RAP1GAP2: variants seen among roughly 807,000 people sequenced by gnomAD.
RAP1GAP2 encodes RAP1 GTPase activating protein 2, also known as rap1 GTPase-activating protein 2.
RAP1GAP2 carries 27 observed loss-of-function variants against 95.0 expected under a neutral mutation model. That is an observed-to-expected ratio of 0.28 (90% CI 0.21 to 0.39). The LOEUF (loss-of-function observed/expected upper bound fraction) is 0.39, where lower values mean the gene tolerates loss of function less well. RAP1GAP2 is among the 10% of genes least tolerant of loss of function. The probability of loss-of-function intolerance (pLI) is 1.00; values close to 1 mark genes in which losing one functional copy is unlikely to be tolerated. For missense variants in RAP1GAP2, 771 were observed against 970.0 expected, an observed-to-expected ratio of 0.79 and a Z score of 2.72; for synonymous variants, 373 against 380.9, an observed-to-expected ratio of 0.98 and a Z score of 0.24.
At chr17:2,778,202 T>C (rs1234306856) in intron 1 of RAP1GAP2, among the ~76,000 whole-genome samples, 2 of 151,688 alleles carry the variant, frequency 1.3e-5, no homozygotes, top group Non-Finnish European at 2.9e-5. Context: ...TGGGCATCTG[T>C]TGGATTTGGC....
intron 2 of RAP1GAP2, among the ~76,000 whole-genome samples, chr17:2,849,796 C>T (rs958339564): frequency 2.0e-5 from 3 of 152,122 alleles, no homozygotes; most frequent in East Asian, 1.9e-4. Flanking sequence ...CCTTCTCTGC[C>T]GTCAGAGACT....
rs2042145007 is a variant in RAP1GAP2 at position 2,904,786 on chromosome 17, C to T, written c.81-498C>T. ...GCATGTCTTTCGAGTTCCCAGGTGC[C>T]GCTGGTGGTCCAGGGACCATACTTA... On this transcript the variant is annotated intron_variant, in intron 2 of 24. Coordinates refer to ENST00000254695, the MANE Select transcript of RAP1GAP2 (RefSeq NM_015085.5). The surrounding 1 kb of genome is among the most constrained non-coding windows in gnomAD (Gnocchi z 4.7). Among the ~76,000 whole-genome samples, 3 of 152,072 alleles carry T rather than the reference C, an allele frequency of 2.0e-5. No homozygotes were observed. The highest frequency in any genetic ancestry group is 2.4e-5 in the African/African-American group (1 of 41,390).
At chr17:2,981,596 G>A (rs1421908939) in intron 10 of RAP1GAP2, among the ~76,000 whole-genome samples, 1 of 152,150 alleles carries the variant, frequency 6.6e-6, no homozygotes, top group Non-Finnish European at 1.5e-5. Flanking sequence ...TGCAGATCCA[G>A]TCTGCTGTCA....
intron 16 of RAP1GAP2, among the ~76,000 whole-genome samples, chr17:3,007,262 C>G (rs2046370520): frequency 6.6e-6 from 1 of 152,050 alleles, no homozygotes; most frequent in Non-Finnish European, 1.5e-5. Flanking sequence ...AGCGCTTAGG[C>G]AGGAGAGTGA....
chr17:2,889,889 A>ATATATATATATTT (rs1408426152), intron 2 of RAP1GAP2, among the ~76,000 whole-genome samples: 111 of 57,274 alleles, frequency 1.9e-3, no homozygotes, highest in African/African-American at 3.7e-3. Context: ...ATATATATAT[A>ATATATATATATTT]TTTTTTTTTT....
chr17:2,882,284 G>A (rs1244930746), intron 2 of RAP1GAP2, among the ~76,000 whole-genome samples: 2 of 147,836 alleles, frequency 1.4e-5, no homozygotes, highest in Admixed American at 6.7e-5. Context: ...GCACCACCAC[G>A]CCCAGCTAAT....
chr17:2,897,202 G>A (rs2041862178), intron 2 of RAP1GAP2, among the ~76,000 whole-genome samples: 2 of 151,988 alleles, frequency 1.3e-5, no homozygotes, highest in African/African-American at 4.8e-5. Flanking sequence ...TTTGGGCGTG[G>A]TGGCGCGTGC....
At chr17:2,771,806 C>T (rs2068404656) in intron 2 of RAP1GAP2, among the ~76,000 whole-genome samples, 1 of 152,000 alleles carries the variant, frequency 6.6e-6, no homozygotes, top group South Asian at 2.1e-4. Flanking sequence ...CTTCAGATTT[C>T]ATACATGGGA....
intron 17 of RAP1GAP2, among the ~76,000 whole-genome samples, chr17:3,012,067 G>T (rs2046566163): frequency 6.6e-6 from 1 of 152,172 alleles, no homozygotes; most frequent in South Asian, 2.1e-4. Context: ...CTGAGCAGCA[G>T]GCCTGCCATT....
At chr17:2,985,911 T>C (rs1375642825) in intron 11 of RAP1GAP2, among the ~76,000 whole-genome samples, 1 of 152,198 alleles carries the variant, frequency 6.6e-6, no homozygotes, top group Non-Finnish European at 1.5e-5. Flanking sequence ...TGAACATTTA[T>C]TAACATCCCA....
At chr17:2,972,335 A>G (rs2044900030) in intron 8 of RAP1GAP2, among the ~76,000 whole-genome samples, 1 of 152,202 alleles carries the variant, frequency 6.6e-6, no homozygotes, top group Non-Finnish European at 1.5e-5. Context: ...ATAATGCTTA[A>G]AAGAGCTTTA....
At position 2,871,939 on chromosome 17, in the gene RAP1GAP2, T is replaced by C. The variant is rs929784981; in HGVS notation, c.81-33345T>C. On this transcript the variant is annotated intron_variant, in intron 2 of 24. Transcript: ENST00000254695. This position sits in a 1 kb window ranked among gnomAD's most constrained non-coding sequence, Gnocchi z 5.0. ...GGACTAACTACTTAAAATAGAATGA[T>C]GAGGCCAGGCGTGGTGGCTCACGCC... Among the ~76,000 whole-genome samples, 2 of 152,090 alleles carry C rather than the reference T, an allele frequency of 1.3e-5. No individual in the cohort carries two copies. Among genetic ancestry groups the C allele is most frequent in the African/African-American group, 4.8e-5 (2 of 41,440 alleles).
At chr17:2,816,360 C>T (rs919349751) in intron 2 of RAP1GAP2, among the ~76,000 whole-genome samples, 12 of 151,670 alleles carry the variant, frequency 7.9e-5, no homozygotes, top group East Asian at 1.9e-4. Flanking sequence ...ATTTTTGAGA[C>T]GGAGTCTCAC....
intron 3 of RAP1GAP2, among the ~76,000 whole-genome samples, chr17:2,956,728 C>T (rs1033421998): frequency 6.6e-6 from 1 of 152,204 alleles, no homozygotes; most frequent in Non-Finnish European, 1.5e-5. Context: ...GCCAGCCCCT[C>T]ACGCTTCCAT....
chr17:2,854,662 A>G (rs1032974094), intron 2 of RAP1GAP2, among the ~76,000 whole-genome samples: 2 of 152,112 alleles, frequency 1.3e-5, no homozygotes, highest in Non-Finnish European at 2.9e-5. Flanking sequence ...CTGGATATTG[A>G]AAATAGTTTT....
chr17:2,806,376 TTTA>T (rs4060867), intron 2 of RAP1GAP2, among the ~76,000 whole-genome samples: 2,608 of 139,924 alleles, frequency 0.019, 81 homozygotes, highest in African/African-American at 0.063. Flanking sequence ...CTACAACCTT[TTTA>T]TTATTATTAT....
intron 3 of RAP1GAP2, among the ~76,000 whole-genome samples, chr17:2,937,624 CAGT>C (rs2043344585): frequency 6.6e-6 from 1 of 152,244 alleles, no homozygotes; most frequent in East Asian, 1.9e-4. Context: ...GAGAAGGGCT[CAGT>C]AGGGGACAGC....
intron 2 of RAP1GAP2, among the ~76,000 whole-genome samples, chr17:2,876,530 C>T (rs1404145370): frequency 6.6e-6 from 1 of 152,140 alleles, no homozygotes; most frequent in Admixed American, 6.6e-5. Flanking sequence ...GTGAGTTTAT[C>T]TAAAGACCTG....
chr17:2,860,217 C>G (rs959942158), intron 2 of RAP1GAP2, among the ~76,000 whole-genome samples: 8 of 152,164 alleles, frequency 5.3e-5, no homozygotes, highest in African/African-American at 1.9e-4. Context: ...TGCTTGTTCT[C>G]TCCTTAGGAG....
Sources: gnomAD v4.1 joint callset for allele counts (sites outside exome capture counted in the v4.1 genomes callset) on GRCh38, gnomAD v4.1.1 for gene constraint, Gnocchi (gnomAD v3.1) non-coding constraint, MANE v1.5 for transcripts, NCBI Gene and HGNC (gene_info 2026-07-23, HGNC 2026-07-21) for gene names.